The following LMNTD1 variants were observed in gnomAD, a reference collection of about 807,000 sequenced individuals.
LMNTD1 encodes the protein lamin tail domain-containing protein 1.
A neutral mutation model predicts 50.9 loss-of-function variants in LMNTD1; 35 were observed. That is an observed-to-expected ratio of 0.69 (90% CI 0.53 to 0.91). The LOEUF (loss-of-function observed/expected upper bound fraction) is 0.91. Among genes scored for constraint, LMNTD1 ranks in the 40% least tolerant of loss-of-function variants. The pLI is 0.00. For missense variants in LMNTD1, 470 were observed against 475.5 expected, an observed-to-expected ratio of 0.99 and a Z score of 0.11; for synonymous variants, 153 against 161.9, an observed-to-expected ratio of 0.94 and a Z score of 0.42.
chr12:25,612,453 C>A (rs1946269665), intron 1 of LMNTD1, among the ~76,000 whole-genome samples: 1 of 152,144 alleles, frequency 6.6e-6, no homozygotes, highest in Non-Finnish European at 1.5e-5. Flanking sequence ...CTTTTGATAT[C>A]TGCCTAACAA....
intron 7 of LMNTD1, 42 bp from the exon 8 acceptor site, chr12:25,519,009 T>C: frequency 6.3e-7 from 1 of 1,586,746 alleles, no homozygotes; most frequent in Non-Finnish European, 8.6e-7. Context: ...AAAGCCATTT[T>C]ATGCTGTGGT....
At chr12:25,542,252 G>A (rs1216832193) in intron 4 of LMNTD1, among the ~76,000 whole-genome samples, 1 of 151,964 alleles carries the variant, frequency 6.6e-6, no homozygotes, top group Non-Finnish European at 1.5e-5. Flanking sequence ...AATCATGCTG[G>A]TATAAAGACA....
Position 25,526,217 on chromosome 12 carries a change from A to G in LMNTD1, c.680T>C (p.Val227Ala). 6.2e-7 allele frequency: 1 copy of G among 1,605,302 alleles called. No homozygotes were observed. The highest frequency in any genetic ancestry group is 8.5e-7 in the Non-Finnish European group (1 of 1,176,918). The change falls in exon 6 of 10, where the codon GTG becomes GCG. Residue 227 changes from valine (V) to alanine (A), a missense_variant and splice_region_variant. Physicochemically the swap from Val to Ala is moderately conservative, Grantham distance 64 (BLOSUM62 0). Coordinates refer to ENST00000458174, the MANE Select transcript of LMNTD1 (RefSeq NM_001145728.2). ...CTTTGCTTCAGATGCTGCTGCCCAC[A>G]CCTGTAATAAAATTGTTAATGACAA... is the stretch of plus-strand genomic sequence containing the variant. ...IVMQANSTVT[V>A]WAAASEAKHQ... is the part of the protein sequence containing the mutation.
intron 9 of LMNTD1, among the ~76,000 whole-genome samples, chr12:25,490,382 C>T (rs12582951): frequency 0.024 from 3,578 of 152,200 alleles, 86 homozygotes; most frequent in East Asian, 0.13. Flanking sequence ...ATTTCTAAAA[C>T]ACTTGGCAAT....
chr12:25,527,681 T>TACAC lies in LMNTD1; in HGVS notation c.492-730_492-727dup, dbSNP rs376707066. ...ATATATATATATATATATATATATATACACACACACACACACACACACACA... is the reference window on the plus strand; with the variant it reads ...ATATATATATATATATATATATATATACACACACACACACACACACACACACACA... On this transcript the variant is annotated intron_variant, in intron 4 of 9. Coordinates refer to ENST00000458174, the MANE Select transcript of LMNTD1 (RefSeq NM_001145728.2). Among the ~76,000 whole-genome samples the TACAC allele has an allele frequency of 6.0e-3, 195 of 32,258 alleles. 2 individuals carry two copies. Among genetic ancestry groups the TACAC allele is most frequent in the South Asian group, 0.014 (14 of 996 alleles). 21.2% of individuals were successfully genotyped at this position (32,258 alleles called of 152,430 possible).
intron 1 of LMNTD1, among the ~76,000 whole-genome samples, chr12:25,643,552 C>T (rs1238681969): frequency 6.6e-6 from 1 of 152,204 alleles, no homozygotes; most frequent in Non-Finnish European, 1.5e-5. Flanking sequence ...GCAGATTTTC[C>T]TTTCAACTCA....
intron 1 of LMNTD1, among the ~76,000 whole-genome samples, chr12:25,602,949 T>C (rs1356998438): frequency 6.6e-6 from 1 of 152,024 alleles, no homozygotes; most frequent in African/African-American, 2.4e-5. Context: ...CTGAAAAACA[T>C]CTGGAGTATT....
chr12:25,590,534 T>A (rs1447143011), intron 1 of LMNTD1, among the ~76,000 whole-genome samples: 1 of 152,192 alleles, frequency 6.6e-6, no homozygotes, highest in South Asian at 2.1e-4. Flanking sequence ...GCCAGTGGAC[T>A]AGGGGGTCAT....
At chr12:25,614,846 G>A (rs191218741) in intron 1 of LMNTD1, among the ~76,000 whole-genome samples, 2 of 152,260 alleles carry the variant, frequency 1.3e-5, no homozygotes, top group East Asian at 3.9e-4. Context: ...GTTAGGTTTG[G>A]TTTGTTTCTT....
chr12:25,488,039 G>A (rs1446513672), intron 9 of LMNTD1, among the ~76,000 whole-genome samples: 10 of 148,150 alleles, frequency 6.7e-5, no homozygotes, highest in African/African-American at 1.7e-4. Context: ...AGGGTAACCC[G>A]ACCTTTCTCT....
chr12:25,528,871 C>G (rs1031556011), intron 4 of LMNTD1, among the ~76,000 whole-genome samples: 50 of 152,250 alleles, frequency 3.3e-4, no homozygotes, highest in Non-Finnish European at 2.2e-4. Context: ...GGTACATATC[C>G]TTGAGGGGCT....
intron 6 of LMNTD1, among the ~76,000 whole-genome samples, chr12:25,524,173 T>C (rs1356606581): frequency 6.6e-6 from 1 of 152,234 alleles, no homozygotes; most frequent in Non-Finnish European, 1.5e-5. Flanking sequence ...ATTTCTGACC[T>C]GGGCTGCCCA....
intron 1 of LMNTD1, among the ~76,000 whole-genome samples, chr12:25,587,829 T>G (rs1340088011): frequency 6.6e-6 from 1 of 152,186 alleles, no homozygotes; most frequent in Non-Finnish European, 1.5e-5. Flanking sequence ...TGAATTAAAT[T>G]CAGAGGGTAT....
At chr12:25,612,328 A>ACGCGCG (rs55829465) in intron 1 of LMNTD1, among the ~76,000 whole-genome samples, 3,807 of 146,514 alleles carry the variant, frequency 0.026, 57 homozygotes, top group Non-Finnish European at 0.036. Context: ...ACACACACAC[A>ACGCGCG]CGCGCTCCCA....
At chr12:25,540,927 C>A (rs1943022623) in intron 4 of LMNTD1, among the ~76,000 whole-genome samples, 1 of 136,418 alleles carries the variant, frequency 7.3e-6, no homozygotes, top group African/African-American at 2.6e-5. Context: ...TCCTATACAC[C>A]AACAACAGAC....
At chr12:25,546,961 C>T (rs1943472820) in intron 3 of LMNTD1, among the ~76,000 whole-genome samples, 1 of 151,620 alleles carries the variant, frequency 6.6e-6, no homozygotes, top group South Asian at 2.1e-4. Context: ...TCCCAAATGG[C>T]TACCCATAAG....
intron 8 of LMNTD1, among the ~76,000 whole-genome samples, chr12:25,508,303 A>G (rs1939974371): frequency 6.6e-6 from 1 of 152,210 alleles, no homozygotes; most frequent in Non-Finnish European, 1.5e-5. Context: ...TCTCCCAAAG[A>G]TAACGATTAT....
intron 1 of LMNTD1, among the ~76,000 whole-genome samples, chr12:25,614,995 C>A (rs1390738455): frequency 6.6e-6 from 1 of 152,134 alleles, no homozygotes; most frequent in Non-Finnish European, 1.5e-5. Context: ...CTAATGACAT[C>A]ATTTTTAATT....
chr12:25,513,369 A>G (rs1940466012), intron 8 of LMNTD1, among the ~76,000 whole-genome samples: 1 of 152,362 alleles, frequency 6.6e-6, no homozygotes, highest in African/African-American at 2.4e-5. Flanking sequence ...CCATGTGGCC[A>G]GGCACAGTGG....
Sources: gnomAD v4.1 joint callset for allele counts (sites outside exome capture counted in the v4.1 genomes callset) on GRCh38, gnomAD v4.1.1 for gene constraint, MANE v1.5 for transcripts, NCBI Gene and HGNC (gene_info 2026-07-23, HGNC 2026-07-21) for gene names.